CACNA2D3: variants seen among roughly 807,000 people sequenced by gnomAD.
CACNA2D3 encodes the protein calcium voltage-gated channel auxiliary subunit alpha2delta 3, also known as voltage-dependent calcium channel subunit alpha-2/delta-3.
In CACNA2D3, 60 loss-of-function variants were observed where a neutral mutation model predicts 160.6. That is an observed-to-expected ratio of 0.37 (90% CI 0.30 to 0.46). The LOEUF (loss-of-function observed/expected upper bound fraction) is 0.46, where lower values mean the gene tolerates loss of function less well. Ranked by LOEUF, CACNA2D3 falls within the 20% of genes least tolerant of loss-of-function variation. The pLI is 1.00. For missense variants in CACNA2D3, 1,205 were observed against 1,365.0 expected, an observed-to-expected ratio of 0.88 and a Z score of 1.85; for synonymous variants, 558 against 492.9, an observed-to-expected ratio of 1.13 and a Z score of -1.75.
chr3:54,292,019 A>G (rs946238097), intron 2 of CACNA2D3, among the ~76,000 whole-genome samples: 2 of 152,180 alleles, frequency 1.3e-5, no homozygotes, highest in Admixed American at 6.5e-5. Flanking sequence ...ACCCTCACAA[A>G]TCTAGTCAGT....
Position 54,993,377 on chromosome 3 carries a change from C to G in CACNA2D3, c.2690+5624C>G, listed in dbSNP as rs569345210. Among the ~76,000 whole-genome samples, 46 of 152,338 alleles carry G rather than the reference C, an allele frequency of 3.0e-4. 1 individual carries two copies. In the South Asian group the frequency reaches 7.3e-3, roughly 24 times the overall value. ...CACCCTTTTCCAATTCCTCTCCTCC[C>G]TTCCCCTTGTAAGTAATGTAATACA... On this transcript the variant is annotated intron_variant, in intron 31 of 37. Transcript: ENST00000474759.
intron 2 of CACNA2D3, among the ~76,000 whole-genome samples, chr3:54,290,764 A>G (rs1300466205): frequency 6.6e-6 from 1 of 152,148 alleles, no homozygotes; most frequent in Non-Finnish European, 1.5e-5. Context: ...TTGTAGGGAC[A>G]TGGATGAAAC....
At chr3:54,312,225 G>A (rs1246849755) in intron 2 of CACNA2D3, among the ~76,000 whole-genome samples, 1 of 152,126 alleles carries the variant, frequency 6.6e-6, no homozygotes, top group African/African-American at 2.4e-5. Flanking sequence ...CCATCTCCCC[G>A]CCAGGGCCTT....
intron 13 of CACNA2D3, among the ~76,000 whole-genome samples, chr3:54,765,945 A>G (rs1368021107): frequency 2.0e-5 from 3 of 152,170 alleles, no homozygotes; most frequent in Admixed American, 6.5e-5. Flanking sequence ...CAGTCTTCAC[A>G]TCATACCCAA....
At chr3:54,309,949 A>G (rs1242277486) in intron 2 of CACNA2D3, among the ~76,000 whole-genome samples, 1 of 151,826 alleles carries the variant, frequency 6.6e-6, no homozygotes, top group African/African-American at 2.4e-5. Context: ...GTTCAGTGCC[A>G]TGTCCTCTTC....
chr3:54,449,672 T>G (rs1048107309), intron 4 of CACNA2D3, among the ~76,000 whole-genome samples: 2 of 152,180 alleles, frequency 1.3e-5, no homozygotes, highest in Non-Finnish European at 2.9e-5. Flanking sequence ...TCTGGTTGTT[T>G]ACAAGTGTGT....
chr3:55,040,468 T>C (rs6782725), intron 35 of CACNA2D3, among the ~76,000 whole-genome samples: 2 of 151,926 alleles, frequency 1.3e-5, no homozygotes, highest in African/African-American at 4.8e-5. Flanking sequence ...TTCTTTGTAG[T>C]TTTTTTATTT....
intron 11 of CACNA2D3, among the ~76,000 whole-genome samples, chr3:54,742,626 A>G (rs936269979): frequency 6.6e-6 from 1 of 152,266 alleles, no homozygotes; most frequent in East Asian, 1.9e-4. Flanking sequence ...AGTGTAGGGA[A>G]AAGGAGAGAT....
intron 4 of CACNA2D3, among the ~76,000 whole-genome samples, chr3:54,402,078 A>G (rs1253159152): frequency 1.3e-5 from 2 of 152,214 alleles, no homozygotes; most frequent in African/African-American, 4.8e-5. Flanking sequence ...TTATAACTGT[A>G]TGATGTTTTG....
intron 29 of CACNA2D3, among the ~76,000 whole-genome samples, chr3:54,973,867 G>C (rs978238641): frequency 2.6e-5 from 4 of 152,194 alleles, no homozygotes; most frequent in African/African-American, 9.7e-5. Flanking sequence ...GGAAATATTA[G>C]GGATTGGATC....
chr3:54,679,586 C>T (rs1360300835), intron 11 of CACNA2D3, among the ~76,000 whole-genome samples: 1 of 152,162 alleles, frequency 6.6e-6, no homozygotes, highest in Non-Finnish European at 1.5e-5. Context: ...GAGATGACCC[C>T]TTATCTCTGT....
intron 2 of CACNA2D3, among the ~76,000 whole-genome samples, chr3:54,249,558 TACACACAC>T (rs149515122): frequency 3.2e-5 from 4 of 123,878 alleles, no homozygotes; most frequent in South Asian, 5.5e-4. Flanking sequence ...TCTGTTTACG[TACACACAC>T]ACACACACAC....
chr3:54,707,519 C>T (rs1000691952), intron 11 of CACNA2D3, among the ~76,000 whole-genome samples: 1 of 152,124 alleles, frequency 6.6e-6, no homozygotes, highest in Non-Finnish European at 1.5e-5. Context: ...GGAAGGAGGC[C>T]TTGAATGAGA....
At chr3:54,565,987 T>C (rs1272180427) in intron 6 of CACNA2D3, among the ~76,000 whole-genome samples, 1 of 152,170 alleles carries the variant, frequency 6.6e-6, no homozygotes, top group Non-Finnish European at 1.5e-5. Context: ...TAGTGGGTGC[T>C]CAATATGTGT....
chr3:55,016,261 T>C (rs1703324779), intron 34 of CACNA2D3, among the ~76,000 whole-genome samples: 1 of 152,166 alleles, frequency 6.6e-6, no homozygotes, highest in African/African-American at 2.4e-5. Context: ...CTCCATGAAA[T>C]AGCACGAGTG....
chr3:54,322,794 C>T (rs1704032381), intron 3 of CACNA2D3, among the ~76,000 whole-genome samples: 1 of 151,642 alleles, frequency 6.6e-6, no homozygotes, highest in South Asian at 2.1e-4. Flanking sequence ...ATTTTAAAAC[C>T]TTTTTGTGTT....
chr3:54,662,210 C>T (rs546121178), intron 11 of CACNA2D3, among the ~76,000 whole-genome samples: 3 of 152,018 alleles, frequency 2.0e-5, no homozygotes, highest in South Asian at 2.1e-4. Flanking sequence ...GATGGATTGG[C>T]GAGGGTGCTG....
At chr3:54,793,872 G>C (rs765048976) in intron 13 of CACNA2D3, among the ~76,000 whole-genome samples, 4 of 152,114 alleles carry the variant, frequency 2.6e-5, no homozygotes, top group Non-Finnish European at 4.4e-5. Context: ...TCTTTGTGGG[G>C]AAGTTCCTCA....
At chr3:54,197,006 T>C (rs912367334) in intron 2 of CACNA2D3, among the ~76,000 whole-genome samples, 5 of 152,260 alleles carry the variant, frequency 3.3e-5, no homozygotes, top group South Asian at 2.1e-4. Context: ...ATAGGACTTT[T>C]AGTAAACAAT....
Sources: allele counts gnomAD v4.1 joint callset (sites outside exome capture counted in the v4.1 genomes callset), GRCh38; gene constraint gnomAD v4.1.1; transcripts MANE v1.5; gene names NCBI Gene and HGNC (gene_info 2026-07-23, HGNC 2026-07-21).